Variants in PITPNC1 observed in about 807,000 individuals in gnomAD.
PITPNC1 encodes phosphatidylinositol transfer protein cytoplasmic 1.
Under a neutral mutation model 44.7 loss-of-function variants are expected in PITPNC1, and 18 were observed. The observed-to-expected ratio is 0.40, with a 90% confidence interval of 0.28 to 0.60. The LOEUF is 0.60. Among genes scored for constraint, PITPNC1 ranks in the 20% least tolerant of loss-of-function variants. PITPNC1 has a pLI of 0.39. For missense variants in PITPNC1, 290 were observed against 418.4 expected (o/e 0.69, Z 2.68); for synonymous variants, 141 against 149.6 (o/e 0.94, Z 0.42).
intron 1 of PITPNC1, among the ~76,000 whole-genome samples, chr17:67,517,301 G>A (rs924417264): frequency 1.3e-5 from 2 of 152,136 alleles, no homozygotes; most frequent in African/African-American, 4.8e-5. Flanking sequence ...TCTTGTTGCT[G>A]TACATAACTT....
intron 1 of PITPNC1, among the ~76,000 whole-genome samples, chr17:67,446,260 T>G (rs935381839): frequency 2.0e-5 from 3 of 151,910 alleles, no homozygotes; most frequent in African/African-American, 7.2e-5. Flanking sequence ...TGACTGATTC[T>G]TCTCTGTGTG....
At chr17:67,511,149 G>T (rs2040179862) in intron 1 of PITPNC1, among the ~76,000 whole-genome samples, 1 of 152,006 alleles carries the variant, frequency 6.6e-6, no homozygotes, top group African/African-American at 2.4e-5. Context: ...TGCAACTGGG[G>T]CATCTTTCCA....
At chr17:67,567,298 A>G (rs1004107512) in intron 4 of PITPNC1, among the ~76,000 whole-genome samples, 6 of 152,020 alleles carry the variant, frequency 3.9e-5, no homozygotes, top group African/African-American at 1.5e-4. Context: ...ATCCTGGCTA[A>G]CATGGTAAAC....
intron 1 of PITPNC1, among the ~76,000 whole-genome samples, chr17:67,513,981 C>T (rs1349454712): frequency 5.9e-5 from 9 of 151,318 alleles, no homozygotes; most frequent in African/African-American, 1.9e-4. Flanking sequence ...ACCGAAGACC[C>T]GCCTCCATGA....
chr17:67,492,011 T>A (rs557787930), intron 1 of PITPNC1, among the ~76,000 whole-genome samples: 189 of 145,728 alleles, frequency 1.3e-3, no homozygotes, highest in Non-Finnish European at 2.1e-3. Flanking sequence ...TCTTTTTTTT[T>A]TAAAAAAAAA....
intron 1 of PITPNC1, among the ~76,000 whole-genome samples, chr17:67,390,252 C>G (rs2038118537): frequency 6.6e-6 from 1 of 152,178 alleles, no homozygotes; most frequent in South Asian, 2.1e-4. Context: ...TAGGTCAGAA[C>G]ATGATACTTA....
intron 6 of PITPNC1, among the ~76,000 whole-genome samples, chr17:67,646,585 C>T (rs768273430): frequency 3.3e-5 from 5 of 152,152 alleles, no homozygotes; most frequent in Non-Finnish European, 7.3e-5. Context: ...TGCAGTGATG[C>T]AACCACGGCT....
intron 1 of PITPNC1, among the ~76,000 whole-genome samples, chr17:67,455,360 T>C (rs1220233155): frequency 6.6e-6 from 1 of 152,230 alleles, no homozygotes; most frequent in East Asian, 1.9e-4. Flanking sequence ...TACATGCTTA[T>C]ACACATCTCT....
At chr17:67,439,846 T>G (rs1173632975) in intron 1 of PITPNC1, among the ~76,000 whole-genome samples, 1 of 152,172 alleles carries the variant, frequency 6.6e-6, no homozygotes, top group African/African-American at 2.4e-5. Flanking sequence ...ATTTCTTGTT[T>G]ATATAGTATG....
At chr17:67,545,388 G>A (rs1487604933) in intron 2 of PITPNC1, among the ~76,000 whole-genome samples, 1 of 151,926 alleles carries the variant, frequency 6.6e-6, no homozygotes, top group Admixed American at 6.6e-5. Flanking sequence ...GACCAGCCTG[G>A]CCAACAAGGT....
chr17:67,457,940 C>T (rs990014509), intron 1 of PITPNC1: 6 of 152,296 alleles, frequency 3.9e-5, no homozygotes, highest in African/African-American at 1.4e-4. Context: ...CCCCAGAGGC[C>T]ATGTCTCAGA....
intron 7 of PITPNC1, among the ~76,000 whole-genome samples, chr17:67,673,889 T>G (rs1307469746): frequency 7.2e-6 from 1 of 139,032 alleles, no homozygotes; most frequent in Non-Finnish European, 1.5e-5. Flanking sequence ...AAGCGGAGGT[T>G]ACAGTGAGCC....
intron 6 of PITPNC1, among the ~76,000 whole-genome samples, chr17:67,643,752 G>GGC (rs2042116132): frequency 6.6e-6 from 1 of 152,164 alleles, no homozygotes; most frequent in Non-Finnish European, 1.5e-5. Context: ...TGACGTCAAA[G>GGC]GCAAGGCATG....
At chr17:67,629,984 C>A (rs997757437) in intron 5 of PITPNC1, among the ~76,000 whole-genome samples, 1 of 152,204 alleles carries the variant, frequency 6.6e-6, no homozygotes, top group Non-Finnish European at 1.5e-5. Flanking sequence ...AAGAGAAGAA[C>A]CACCAGCCGA....
At chr17:67,608,203 T>A (rs2642029) in intron 5 of PITPNC1, among the ~76,000 whole-genome samples, 1 of 148,500 alleles carries the variant, frequency 6.7e-6, no homozygotes, top group East Asian at 2.0e-4. Context: ...CAATAGCAAA[T>A]AAAAACTTTA....
chr17:67,589,281 T>C (rs2144253183), intron 5 of PITPNC1, among the ~76,000 whole-genome samples: 1 of 152,220 alleles, frequency 6.6e-6, no homozygotes, highest in East Asian at 1.9e-4. Flanking sequence ...TTCTCAGAGG[T>C]ATAGTGACAA....
Position 67,508,093 on chromosome 17 carries a change from C to G in PITPNC1, c.49-24709C>G, listed in dbSNP as rs933929878. On this transcript the variant is annotated intron_variant, in intron 1 of 8. Coordinates refer to ENST00000581322, the MANE Select transcript of PITPNC1 (RefSeq NM_012417.4). This position sits in a 1 kb window ranked among gnomAD's most constrained non-coding sequence, Gnocchi z 4.2. ...ATTCCCAAGAGTAATCTCCGTTCTC[C>G]CATCCTACCAGTTACGCAGCCAGAA... Among the ~76,000 whole-genome samples the G allele has an allele frequency of 2.6e-5, 4 of 152,142 alleles. No homozygotes were observed. The highest frequency in any genetic ancestry group is 2.6e-4 in the Admixed American group (4 of 15,278).
chr17:67,637,375 G>A (rs1381426224), intron 6 of PITPNC1, among the ~76,000 whole-genome samples: 1 of 152,002 alleles, frequency 6.6e-6, no homozygotes, highest in Non-Finnish European at 1.5e-5. Context: ...GTCCTAAATA[G>A]AAACGCTCTT....
chr17:67,496,278 C>T (rs2039951419), intron 1 of PITPNC1, among the ~76,000 whole-genome samples: 1 of 152,226 alleles, frequency 6.6e-6, no homozygotes. Flanking sequence ...TTCATTTCCT[C>T]CTACTCTTTA....
Sources: allele counts gnomAD v4.1 joint callset (sites outside exome capture counted in the v4.1 genomes callset), GRCh38; gene constraint gnomAD v4.1.1; non-coding constraint Gnocchi (gnomAD v3.1); transcripts MANE v1.5; gene names NCBI Gene and HGNC (gene_info 2026-07-23, HGNC 2026-07-21).